GABRB2: variants seen among roughly 807,000 people sequenced by gnomAD.
GABRB2 encodes gamma-aminobutyric acid receptor subunit beta-2.
In GABRB2, 16 loss-of-function variants were observed where a neutral mutation model predicts 54.7. The observed-to-expected ratio is 0.29, with a 90% CI of 0.20 to 0.44. GABRB2 has a LOEUF of 0.44. Ranked by LOEUF, GABRB2 falls within the 20% of genes least tolerant of loss-of-function variation. The pLI is 1.00. For missense variants in GABRB2, 355 were observed against 644.0 expected (o/e 0.55, Z 4.86); for synonymous variants, 244 against 233.8 (o/e 1.04, Z -0.40).
At chr5:161,466,652 A>T (rs542514711) in intron 3 of GABRB2, among the ~76,000 whole-genome samples, 1 of 152,122 alleles carries the variant, frequency 6.6e-6, no homozygotes, top group Admixed American at 6.6e-5. Context: ...ACTTGAAGCT[A>T]TAGAACTGCA....
chr5:161,521,539 A>C (rs1039854969), intron 3 of GABRB2, among the ~76,000 whole-genome samples: 1 of 151,932 alleles, frequency 6.6e-6, no homozygotes, highest in African/African-American at 2.4e-5. Flanking sequence ...AAACACAAAC[A>C]CTTGTTATGT....
intron 5 of GABRB2, among the ~76,000 whole-genome samples, chr5:161,383,511 G>C (rs1466221969): frequency 6.6e-6 from 1 of 151,892 alleles, no homozygotes; most frequent in Non-Finnish European, 1.5e-5. Flanking sequence ...TTTCTGTGCT[G>C]TTAGTACAGT....
chr5:161,528,658 T>G (rs922264197), intron 3 of GABRB2, among the ~76,000 whole-genome samples: 14 of 151,848 alleles, frequency 9.2e-5, no homozygotes, highest in African/African-American at 3.4e-4. Context: ...ACCTAAGGAT[T>G]GTTTGCTTTC....
At chr5:161,478,538 G>A (rs920503198) in intron 3 of GABRB2, among the ~76,000 whole-genome samples, 1 of 151,994 alleles carries the variant, frequency 6.6e-6, no homozygotes, top group African/African-American at 2.4e-5. Context: ...TTTACAATAT[G>A]CTTGTGTTTT....
intron 4 of GABRB2, among the ~76,000 whole-genome samples, chr5:161,426,649 C>A (rs983872536): frequency 9.2e-5 from 14 of 151,674 alleles, no homozygotes; most frequent in Admixed American, 8.6e-4. Context: ...AGAATTAAAG[C>A]AGAATGAAAT....
intron 3 of GABRB2, among the ~76,000 whole-genome samples, chr5:161,514,911 T>C (rs1759888519): frequency 6.6e-6 from 1 of 152,208 alleles, no homozygotes; most frequent in African/African-American, 2.4e-5. Flanking sequence ...ACTCTCATAA[T>C]TGTTAATGAC....
chr5:161,426,792 A>G (rs1179543472), intron 4 of GABRB2, among the ~76,000 whole-genome samples: 1 of 152,174 alleles, frequency 6.6e-6, no homozygotes, highest in Non-Finnish European at 1.5e-5. Context: ...CACTAACAAT[A>G]TTATAGCACA....
Position 161,294,247 on chromosome 5 carries a change from C to T in GABRB2, c.1373G>A (p.Arg458Gln), listed in dbSNP as rs80241240. Residue 458 changes from arginine (R) to glutamine (Q), a missense_variant, in exon 10 of 10, where the codon CGA (arginine) becomes CAA (glutamine). Arg to Gln is a conservative substitution (Grantham distance 43). This residue lies in a region of GABRB2 where 201 missense variants were observed against 228.1 expected (regional missense o/e 0.88). Transcript: ENST00000393959. ...RHSFGRNALE[R>Q]HVAQKKSRLR... ...GCGACTTTTCTTTTGCGCCACATGTCGTTCCAGAGCATTTCGGCCAAAACT... is the reference window on the plus strand; with the variant it reads ...GCGACTTTTCTTTTGCGCCACATGTTGTTCCAGAGCATTTCGGCCAAAACT... 6.8e-5 allele frequency: 110 copies of T among 1,614,112 alleles called. No homozygotes were observed. The highest frequency in any genetic ancestry group is 1.6e-4 in the Middle Eastern group (1 of 6,062).
At chr5:161,366,673 T>C (rs1820092) in intron 5 of GABRB2, among the ~76,000 whole-genome samples, 112,359 of 152,046 alleles carry the variant, frequency 0.74, 42,078 homozygotes, top group South Asian at 0.86. Context: ...AGGCCAGGCG[T>C]GATGGCTCAC....
intron 4 of GABRB2, among the ~76,000 whole-genome samples, chr5:161,414,731 A>G (rs1189988972): frequency 6.6e-6 from 1 of 151,508 alleles, no homozygotes; most frequent in South Asian, 2.1e-4. Flanking sequence ...AATAAAAAAT[A>G]TTAATTATTA....
chr5:161,297,522 A>C (rs1257372856), intron 9 of GABRB2, among the ~76,000 whole-genome samples: 1 of 152,084 alleles, frequency 6.6e-6, no homozygotes, highest in Admixed American at 6.5e-5. Context: ...TATGAGTGAG[A>C]ACATGTAGTG....
Position 161,546,403 on chromosome 5 carries a change from G to A in GABRB2, c.88C>T (p.Pro30Ser), listed in dbSNP as rs1760987338. Residue 30 changes from proline (P) to serine (S), a missense_variant, in exon 2 of 10, where the codon CCT becomes TCT. Coordinates refer to ENST00000393959, the MANE Select transcript of GABRB2 (RefSeq NM_001371727.1). The part of the protein sequence containing the change: ...AAVCAQSVND[P>S]SNMSLVKETV... ...TCTTTAACCAGCGACATATTACTAG[G>A]GTCATTGACACTAAAGAAAGAAATG... is the stretch of plus-strand genomic sequence containing the variant. 2 of 1,613,006 alleles carry A rather than the reference G, an allele frequency of 1.2e-6. No individual in the cohort carries two copies. The highest frequency in any genetic ancestry group is 1.7e-5 in the Admixed American group (1 of 59,994).
At chr5:161,299,663 C>T (rs780803399) in intron 9 of GABRB2, among the ~76,000 whole-genome samples, 13 of 152,110 alleles carry the variant, frequency 8.5e-5, no homozygotes, top group Non-Finnish European at 1.3e-4. Context: ...TCCTCTTCCT[C>T]CTTCTTATTC....
intron 3 of GABRB2, among the ~76,000 whole-genome samples, chr5:161,544,320 G>C (rs1760905229): frequency 6.6e-6 from 1 of 152,148 alleles, no homozygotes; most frequent in African/African-American, 2.4e-5. Context: ...GGCCTATCTA[G>C]AGGGACTTCT....
At chr5:161,498,794 G>A (rs1246542164) in intron 3 of GABRB2, among the ~76,000 whole-genome samples, 2 of 152,196 alleles carry the variant, frequency 1.3e-5, no homozygotes, top group Middle Eastern at 3.4e-3. Flanking sequence ...AAGGCTCAGG[G>A]CATAAAAGCC....
intron 4 of GABRB2, among the ~76,000 whole-genome samples, chr5:161,416,534 T>A (rs1489715174): frequency 6.6e-6 from 1 of 150,794 alleles, no homozygotes; most frequent in Non-Finnish European, 1.5e-5. Flanking sequence ...ACCATCCAAT[T>A]ATTCCACGAG....
rs1480051541 is a variant in GABRB2 at position 161,429,665 on chromosome 5, A to T, written c.459-18608T>A. On this transcript the variant is annotated intron_variant, in intron 4 of 9. Coordinates refer to ENST00000393959, the MANE Select transcript of GABRB2 (RefSeq NM_001371727.1). The stretch of plus-strand genomic sequence containing the variant: ...GTTGACTTTAAATTCCAGGCTTACT[A>T]GTTTGTATTTTATCCATTGAAAACT... 2.6e-5 allele frequency among the ~76,000 whole-genome samples: 4 copies of T among 152,208 alleles called. No homozygotes were observed. The East Asian group carries it at 7.7e-4, about 29-fold the overall frequency.
intron 9 of GABRB2, among the ~76,000 whole-genome samples, chr5:161,298,699 G>A (rs1757452448): frequency 6.6e-6 from 1 of 152,172 alleles, no homozygotes; most frequent in Non-Finnish European, 1.5e-5. Flanking sequence ...TCAAGTACCT[G>A]AGATCTGTAA....
chr5:161,404,662 G>A (rs1330183150), intron 5 of GABRB2, among the ~76,000 whole-genome samples: 1 of 152,124 alleles, frequency 6.6e-6, no homozygotes, highest in Non-Finnish European at 1.5e-5. Context: ...GAAAATCTGA[G>A]AGAAGAAAGA....
Sources: allele counts gnomAD v4.1 joint callset (sites outside exome capture counted in the v4.1 genomes callset), GRCh38; gene constraint gnomAD v4.1.1; regional missense constraint gnomAD v4.1.1; transcripts MANE v1.5; gene names NCBI Gene and HGNC (gene_info 2026-07-23, HGNC 2026-07-21).